Variants in CBLN2 observed in about 807,000 individuals in gnomAD.
The protein encoded by CBLN2 is cerebellin-2.
Under a neutral mutation model 15.0 loss-of-function variants are expected in CBLN2, and 7 were observed. The observed-to-expected ratio is 0.47, with a 90% CI of 0.27 to 0.88. CBLN2 has a LOEUF of 0.88. Among genes scored for constraint, CBLN2 ranks in the 40% least tolerant of loss-of-function variants. The pLI is 0.14. For synonymous variants in CBLN2, 149 were observed against 135.2 expected, an observed-to-expected ratio of 1.10 and a Z score of -0.71; for missense variants, 242 against 304.5, an observed-to-expected ratio of 0.79 and a Z score of 1.53.
chr18:72,630,733 T>C lies in CBLN2; in HGVS notation c.15+7592A>G, dbSNP rs572493639. 2.0e-5 allele frequency among the ~76,000 whole-genome samples: 3 copies of C among 152,312 alleles called. No homozygotes were observed. The South Asian group carries it at 6.2e-4, about 32-fold the overall frequency. ...TCCTTTCATAGGTACTAACTCTTTC[T>C]TCCTCTGCAATCATTTTAATATCTG... On this transcript the variant is annotated intron_variant, in intron 1 of 2. Coordinates refer to the CBLN2 transcript ENST00000581073.
chr18:72,605,427 GT>G (rs1245175512), intron 1 of CBLN2, among the ~76,000 whole-genome samples: 26 of 152,254 alleles, frequency 1.7e-4, no homozygotes, highest in African/African-American at 5.5e-4. Context: ...CTTTGCTAAA[GT>G]TTTTTCCGCT....
chr18:72,598,680 C>T (rs1169609465), intron 1 of CBLN2, among the ~76,000 whole-genome samples: 1 of 152,170 alleles, frequency 6.6e-6, no homozygotes, highest in Non-Finnish European at 1.5e-5. Context: ...CGTTTCAGAA[C>T]CCAGAGCATT....
chr18:72,549,543 A>G (rs1036708687), intron 1 of CBLN2, among the ~76,000 whole-genome samples: 2 of 152,238 alleles, frequency 1.3e-5, no homozygotes, highest in Non-Finnish European at 1.5e-5. Flanking sequence ...AGTATCCAAC[A>G]GTATGATTAT....
chr18:72,565,123 A>G (rs1417388833), intron 1 of CBLN2, among the ~76,000 whole-genome samples: 1 of 152,216 alleles, frequency 6.6e-6, no homozygotes, highest in Non-Finnish European at 1.5e-5. Context: ...TCAGCATTAC[A>G]AAAAGTGTTT....
At chr18:72,554,372 A>G (rs2144885223) in intron 1 of CBLN2, among the ~76,000 whole-genome samples, 1 of 152,220 alleles carries the variant, frequency 6.6e-6, no homozygotes, top group East Asian at 1.9e-4. Context: ...AAGCATATGA[A>G]AAAGGGGTTT....
At chr18:72,618,824 C>T (rs531434604) in intron 1 of CBLN2, 204 of 736,284 alleles carry the variant, frequency 2.8e-4, no homozygotes, top group Middle Eastern at 1.2e-3. Flanking sequence ...CAAGAGATGG[C>T]GAGTGCTTCA....
chr18:72,601,894 C>A (rs1480997063), intron 1 of CBLN2, among the ~76,000 whole-genome samples: 3 of 152,230 alleles, frequency 2.0e-5, no homozygotes, highest in Non-Finnish European at 4.4e-5. Flanking sequence ...TTGGCTCTAA[C>A]AGTACCCAGT....
At chr18:72,558,717 A>G (rs2069241556) in intron 1 of CBLN2, among the ~76,000 whole-genome samples, 1 of 152,198 alleles carries the variant, frequency 6.6e-6, no homozygotes, top group Non-Finnish European at 1.5e-5. Context: ...CTTTGTAGGT[A>G]ACTTTATAAA....
At chr18:72,615,103 A>C (rs1737311006) in intron 1 of CBLN2, among the ~76,000 whole-genome samples, 1 of 132,984 alleles carries the variant, frequency 7.5e-6, no homozygotes, top group Admixed American at 8.1e-5. Flanking sequence ...AAATATATTT[A>C]TACATTTTAG....
intron 1 of CBLN2, among the ~76,000 whole-genome samples, chr18:72,558,519 C>G (rs1275408476): frequency 1.3e-5 from 2 of 152,108 alleles, no homozygotes; most frequent in African/African-American, 2.4e-5. Context: ...TCTTGGAGAT[C>G]TCAAAATGTG....
At chr18:72,625,706 A>AGTATTAC (rs2069731631) in intron 1 of CBLN2, among the ~76,000 whole-genome samples, 1 of 28,940 alleles carries the variant, frequency 3.5e-5, no homozygotes, top group Non-Finnish European at 6.7e-5. Context: ...TACTATATAT[A>AGTATTAC]TATATATATA....
chr18:72,617,259 T>C (rs1481487837), intron 1 of CBLN2, among the ~76,000 whole-genome samples: 2 of 152,176 alleles, frequency 1.3e-5, no homozygotes, highest in Admixed American at 6.5e-5. Flanking sequence ...TTAAGTATAA[T>C]ACCAGCTTAC....
intron 1 of CBLN2, among the ~76,000 whole-genome samples, chr18:72,617,720 A>C (rs1358761663): frequency 6.6e-6 from 1 of 152,188 alleles, no homozygotes; most frequent in East Asian, 1.9e-4. Flanking sequence ...GCGTGAGTAC[A>C]GATAGCTCAC....
Position 72,539,046 on chromosome 18 carries a change from T to A in CBLN2, c.358-274A>T, listed in dbSNP as rs2069089356. ...TATGCATTCAAAAACTGGCTGTGAA[T>A]TTTGTAAGTTGAGGGGCAGGGCAGA... On this transcript the variant is annotated intron_variant, in intron 3 of 4. Coordinates refer to ENST00000269503, the MANE Select transcript of CBLN2 (RefSeq NM_182511.4). The A allele has an allele frequency of 1.1e-5, 4 of 362,614 alleles. No individual in the cohort carries two copies. In the South Asian group the frequency reaches 1.6e-4, roughly 15 times the overall value. 22.5% of individuals were successfully genotyped at this position (362,614 alleles called of 1,614,324 possible).
chr18:72,571,418 G>GA (rs2069331442), intron 1 of CBLN2, among the ~76,000 whole-genome samples: 1 of 151,676 alleles, frequency 6.6e-6, no homozygotes, highest in East Asian at 1.9e-4. Context: ...AAAAGAAAAA[G>GA]AAAAAAAAGC....
intron 1 of CBLN2, among the ~76,000 whole-genome samples, chr18:72,566,862 T>C (rs1300465785): frequency 6.6e-6 from 1 of 152,136 alleles, no homozygotes; most frequent in African/African-American, 2.4e-5. Context: ...AGACAGAGTC[T>C]CGCTCTGTCA....
chr18:72,603,882 G>A (rs76512101), intron 1 of CBLN2, among the ~76,000 whole-genome samples: 1,765 of 152,252 alleles, frequency 0.012, 37 homozygotes, highest in African/African-American at 0.04. Context: ...TCAATGGGAA[G>A]AAAATGGCCT....
At chr18:72,586,147 T>C (rs1022831556) in intron 1 of CBLN2, among the ~76,000 whole-genome samples, 3 of 152,314 alleles carry the variant, frequency 2.0e-5, no homozygotes, top group Non-Finnish European at 4.4e-5. Flanking sequence ...GCTCCCCGCT[T>C]GCTCCCTGGA....
chr18:72,610,552 C>T (rs954144068), intron 1 of CBLN2, among the ~76,000 whole-genome samples: 3 of 152,100 alleles, frequency 2.0e-5, no homozygotes, highest in African/African-American at 4.8e-5. Flanking sequence ...GGAAGGGACT[C>T]TGTATATCCT....
Sources: allele counts gnomAD v4.1 joint callset (sites outside exome capture counted in the v4.1 genomes callset), GRCh38; gene constraint gnomAD v4.1.1; transcripts MANE v1.5; gene names NCBI Gene and HGNC (gene_info 2026-07-23, HGNC 2026-07-21).